The following SLC10A7 variants were observed in gnomAD, a reference collection of about 807,000 sequenced individuals.
SLC10A7 encodes the protein solute carrier family 10 member 7.
A neutral mutation model predicts 43.2 loss-of-function variants in SLC10A7; 29 were observed. That is an observed-to-expected ratio of 0.67 (90% CI 0.50 to 0.92). The LOEUF (loss-of-function observed/expected upper bound fraction) is 0.92. SLC10A7 is among the 40% of genes least tolerant of loss of function. The pLI is 0.00. For synonymous variants in SLC10A7, 152 were observed against 144.8 expected, an observed-to-expected ratio of 1.05 and a Z score of -0.35; for missense variants, 295 against 403.2, an observed-to-expected ratio of 0.73 and a Z score of 2.30.
intron 6 of SLC10A7, among the ~76,000 whole-genome samples, chr4:146,310,107 T>C (rs763052468): frequency 4.6e-5 from 7 of 152,192 alleles, no homozygotes; most frequent in Non-Finnish European, 7.4e-5. Context: ...TTTGTTAGGA[T>C]AATGGCTTCT....
intron 4 of SLC10A7, among the ~76,000 whole-genome samples, chr4:146,448,248 TA>T (rs953278085): frequency 2.4e-4 from 37 of 151,626 alleles, no homozygotes; most frequent in African/African-American, 7.5e-4. Flanking sequence ...AAAAAAATTT[TA>T]AAAAAAACTT....
intron 5 of SLC10A7, among the ~76,000 whole-genome samples, chr4:146,346,516 A>G (rs1022388095): frequency 6.6e-6 from 1 of 152,184 alleles, no homozygotes; most frequent in Non-Finnish European, 1.5e-5. Flanking sequence ...GTGAATCAAA[A>G]TAAAGCTATG....
At chr4:146,395,837 T>C (rs1045633534) in intron 5 of SLC10A7, among the ~76,000 whole-genome samples, 12 of 152,344 alleles carry the variant, frequency 7.9e-5, no homozygotes, top group African/African-American at 2.6e-4. Context: ...ACATAGTACT[T>C]GTATTCAACC....
At chr4:146,360,953 G>A (rs1466945572) in intron 5 of SLC10A7, among the ~76,000 whole-genome samples, 2 of 152,026 alleles carry the variant, frequency 1.3e-5, no homozygotes, top group African/African-American at 4.8e-5. Flanking sequence ...TCTCTGGGCT[G>A]GGCCTCTGTG....
intron 5 of SLC10A7, among the ~76,000 whole-genome samples, chr4:146,355,828 G>A (rs1457725560): frequency 7.8e-6 from 1 of 128,500 alleles, no homozygotes; most frequent in African/African-American, 3.1e-5. Flanking sequence ...TCATAGGTAG[G>A]AATTGAACAA....
At chr4:146,337,736 T>G (rs938444212) in intron 5 of SLC10A7, among the ~76,000 whole-genome samples, 11 of 151,638 alleles carry the variant, frequency 7.3e-5, no homozygotes, top group Non-Finnish European at 1.5e-4. Context: ...TAAGGAAGTG[T>G]CAGAAGATAG....
rs560272040 is a variant in SLC10A7 at position 146,263,057 on chromosome 4, C to T, written c.848-4220G>A. Among the ~76,000 whole-genome samples, 27 of 152,364 alleles carry T rather than the reference C, an allele frequency of 1.8e-4. No individual in the cohort carries two copies. In the South Asian group the frequency reaches 4.8e-3, roughly 27 times the overall value. Reference sequence around the variant, plus strand: ...TGGTCCTCCCACCCATCCTTGGCCACGTGCCATTCTCTGTCTTGCCCCTAG... The same window carrying T: ...TGGTCCTCCCACCCATCCTTGGCCATGTGCCATTCTCTGTCTTGCCCCTAG... On this transcript the variant is annotated intron_variant, in intron 10 of 11. Coordinates refer to ENST00000335472, the MANE Select transcript of SLC10A7 (RefSeq NM_001029998.6).
At chr4:146,459,426 G>A (rs1232697722) in intron 4 of SLC10A7, among the ~76,000 whole-genome samples, 3 of 151,430 alleles carry the variant, frequency 2.0e-5, no homozygotes, top group East Asian at 1.9e-4. Flanking sequence ...TATATTTCAC[G>A]ATAAAGTTAT....
chr4:146,267,502 T>C (rs1177969138), intron 10 of SLC10A7, among the ~76,000 whole-genome samples: 2 of 152,208 alleles, frequency 1.3e-5, no homozygotes, highest in Non-Finnish European at 2.9e-5. Context: ...ATCTAAGTGA[T>C]TGGTCTTTTG....
chr4:146,307,185 C>T (rs762025500), intron 6 of SLC10A7, among the ~76,000 whole-genome samples: 2 of 152,146 alleles, frequency 1.3e-5, no homozygotes, highest in Non-Finnish European at 2.9e-5. Flanking sequence ...CAGCTCCAGC[C>T]CCAATCTGCA....
Position 146,283,253 on chromosome 4 carries a change from AC to A in SLC10A7, c.785del (p.Gly262ValfsTer26). 6.2e-7 allele frequency: 1 copy of A among 1,613,266 alleles called. No homozygotes were observed. The highest frequency in any genetic ancestry group is 8.5e-7 in the Non-Finnish European group (1 of 1,179,492). ...TFIFSTRNNS[G>X]FTPADTVAII... ...TAGCCACTGTGTCTGCTGGTGTGAA[AC>A]CCGAATTATTCCTAGGGGCAAAAAA... On this transcript the variant is annotated frameshift_variant, in exon 10 of 12. Coordinates refer to ENST00000335472, the MANE Select transcript of SLC10A7 (RefSeq NM_001029998.6). LOFTEE classifies it high-confidence loss of function.
rs78610000 is a variant in SLC10A7 at position 146,305,676 on chromosome 4, C to T, written c.555+250G>A. Among the ~76,000 whole-genome samples, 992 of 151,966 alleles carry T rather than the reference C, an allele frequency of 6.5e-3. 15 individuals carry two copies. The highest frequency in any genetic ancestry group is 0.023 in the African/African-American group (944 of 41,472). ...ATAATAAATTAAACAAAAATCAAGACTCTGTGTAGAAGTCCCTATATATAT... is the reference window on the plus strand; with the variant it reads ...ATAATAAATTAAACAAAAATCAAGATTCTGTGTAGAAGTCCCTATATATAT... On this transcript the variant is annotated intron_variant, in intron 7 of 11. Coordinates refer to ENST00000335472, the MANE Select transcript of SLC10A7 (RefSeq NM_001029998.6).
intron 10 of SLC10A7, among the ~76,000 whole-genome samples, chr4:146,269,236 A>G (rs892788482): frequency 5.3e-5 from 8 of 152,234 alleles, no homozygotes; most frequent in African/African-American, 1.9e-4. Flanking sequence ...GGTGCTGACA[A>G]TGAAAGATTT....
chr4:146,440,262 T>C (rs894817376), intron 5 of SLC10A7, among the ~76,000 whole-genome samples: 6 of 143,730 alleles, frequency 4.2e-5, no homozygotes, highest in African/African-American at 1.6e-4. Flanking sequence ...AGACTCAGGT[T>C]TTAGGGAGGT....
At chr4:146,319,186 C>G (rs1398841381) in intron 6 of SLC10A7, among the ~76,000 whole-genome samples, 1 of 152,100 alleles carries the variant, frequency 6.6e-6, no homozygotes, top group Non-Finnish European at 1.5e-5. Context: ...GTCCCCTGCT[C>G]TGTCTCTGAC....
chr4:146,401,891 T>C (rs553955747), intron 5 of SLC10A7, among the ~76,000 whole-genome samples: 1 of 152,308 alleles, frequency 6.6e-6, no homozygotes. Context: ...AATAATTAGA[T>C]CAAAATAAAC....
At chr4:146,432,952 A>G (rs945297229) in intron 5 of SLC10A7, among the ~76,000 whole-genome samples, 2 of 150,914 alleles carry the variant, frequency 1.3e-5, no homozygotes, top group African/African-American at 2.4e-5. Flanking sequence ...GCAGGAGAAT[A>G]GCGTGAACTC....
chr4:146,417,756 A>G (rs1728675935), intron 5 of SLC10A7, among the ~76,000 whole-genome samples: 1 of 152,202 alleles, frequency 6.6e-6, no homozygotes, highest in Admixed American at 6.5e-5. Context: ...AGGTCCATAA[A>G]GGTTAAGAGT....
chr4:146,345,396 G>A (rs916840810), intron 5 of SLC10A7, among the ~76,000 whole-genome samples: 1 of 152,062 alleles, frequency 6.6e-6, no homozygotes, highest in Non-Finnish European at 1.5e-5. Context: ...CTTTAAGGAC[G>A]AATATTATAA....
Sources: allele counts gnomAD v4.1 joint callset (sites outside exome capture counted in the v4.1 genomes callset), GRCh38; gene constraint gnomAD v4.1.1; transcripts MANE v1.5; gene names NCBI Gene and HGNC (gene_info 2026-07-23, HGNC 2026-07-21).